Variants in NFIC observed in about 807,000 individuals in gnomAD.
The protein encoded by NFIC is nuclear factor I C, also known as nuclear factor 1 C-type.
NFIC carries 12 observed loss-of-function variants against 54.4 expected under a neutral mutation model. The observed-to-expected ratio is 0.22, with a 90% CI of 0.14 to 0.36. The LOEUF is 0.36. Ranked by LOEUF, NFIC falls within the 10% of genes least tolerant of loss-of-function variation. The pLI is 1.00. For missense variants in NFIC, 575 were observed against 718.2 expected (o/e 0.80, Z 2.28); for synonymous variants, 322 against 319.2 (o/e 1.01, Z -0.09).
chr19:3,374,030 A>T lies in NFIC; in HGVS notation c.30+7364A>T, dbSNP rs532496837. Among the ~76,000 whole-genome samples, 51 of 152,340 alleles carry T rather than the reference A, an allele frequency of 3.3e-4. 1 individual carries two copies. The highest frequency in any genetic ancestry group is 6.3e-4 in the Non-Finnish European group (43 of 68,032). ...CCGACCCGGAGAAGAAGGCATTAGA[A>T]CTAAGGCTTTGAAGGATGCGTAGGA... is the stretch of plus-strand genomic sequence containing the variant. On this transcript the variant is annotated intron_variant, in intron 1 of 10. Transcript: ENST00000443272.
At chr19:3,427,659 T>C (rs1467883592) in intron 3 of NFIC, among the ~76,000 whole-genome samples, 2 of 150,458 alleles carry the variant, frequency 1.3e-5, no homozygotes, top group African/African-American at 4.9e-5. Flanking sequence ...TGAAACCGTC[T>C]CTACTAAAAA....
In NFIC at chr19:3,453,687, C is replaced by CG; in HGVS notation, c.1270-71dup. 6.6e-7 allele frequency: 1 copy of CG among 1,511,800 alleles called. No homozygotes were observed. The highest frequency in any genetic ancestry group is 8.8e-7 in the Non-Finnish European group (1 of 1,135,214). 93.6% of individuals were successfully genotyped at this position (1,511,800 alleles called of 1,614,324 possible). On this transcript the variant is annotated intron_variant, in intron 8 of 10. Transcript: ENST00000443272. This position sits in a 1 kb window ranked among gnomAD's most constrained non-coding sequence, Gnocchi z 6.7. ...ACCCCGTCCGGGCCGTGCACAGAGC[C>CG]GGGGGCGGCCGGCGCCAGCAGCCCG...
intron 2 of NFIC, among the ~76,000 whole-genome samples, chr19:3,420,756 C>T (rs2081941711): frequency 1.3e-5 from 2 of 151,576 alleles, no homozygotes; most frequent in South Asian, 4.2e-4. Context: ...TGGAGTCACT[C>T]TGTCGCCCAG....
intron 2 of NFIC, among the ~76,000 whole-genome samples, chr19:3,416,050 C>T (rs559971424): frequency 6.6e-6 from 1 of 151,472 alleles, no homozygotes; most frequent in Non-Finnish European, 1.5e-5. Flanking sequence ...GTAGCCCCGG[C>T]TACTTGGGAA....
At chr19:3,397,297 A>C (rs2081480079) in intron 2 of NFIC, among the ~76,000 whole-genome samples, 1 of 152,212 alleles carries the variant, frequency 6.6e-6, no homozygotes, top group Non-Finnish European at 1.5e-5. Flanking sequence ...CAGGACCCAC[A>C]GTGGGCACCA....
upstream of NFIC, among the ~76,000 whole-genome samples, chr19:3,363,601 G>T (rs577100199): frequency 6.6e-6 from 1 of 152,062 alleles, no homozygotes; most frequent in African/African-American, 2.4e-5. Flanking sequence ...GTGGGTGTGT[G>T]TGCATGTGTG....
intron 3 of NFIC, among the ~76,000 whole-genome samples, chr19:3,428,347 G>A (rs928440496): frequency 6.6e-6 from 1 of 151,576 alleles, no homozygotes. Flanking sequence ...GACACGGGAG[G>A]CTGACGCAGG....
Position 3,468,889 on chromosome 19 carries a change from C to G in NFIC, c.*6120C>G, listed in dbSNP as rs1254917065. ...ACCCTCCCCTCCTCCTCCTACTTCT[C>G]CTCTTGACAGCGAGGACAGGAGGGG... On this transcript the variant is annotated 3_prime_UTR_variant, in exon 11 of 11. Transcript: ENST00000443272. 1 of 152,158 alleles carries G rather than the reference C, an allele frequency of 6.6e-6. No homozygotes were observed. The highest frequency in any genetic ancestry group is 6.5e-5 in the Admixed American group (1 of 15,278). 9.4% of individuals were successfully genotyped at this position (152,158 alleles called of 1,614,324 possible).
At position 3,380,628 on chromosome 19, in the gene NFIC, C is replaced by CTTTT. The variant is rs1159916071; in HGVS notation, c.31-1064_31-1061dup. 4.9e-4 allele frequency among the ~76,000 whole-genome samples: 47 copies of CTTTT among 96,112 alleles called. 1 individual carries two copies. The highest frequency in any genetic ancestry group is 6.2e-4 in the Non-Finnish European group (31 of 50,084). 63.1% of individuals were successfully genotyped at this position (96,112 alleles called of 152,430 possible). A position where few individuals can be genotyped will look rare whatever the true frequency, so the allele number is the denominator to read the frequency against. ...ACAGGTGTGAGCCACTGCGCCCAGG[C>CTTTT]TTTTTTTTTTTTTTTTTTTTTTTGT... On this transcript the variant is annotated intron_variant, in intron 1 of 10. Coordinates refer to ENST00000443272, the MANE Select transcript of NFIC (RefSeq NM_001245002.2).
In NFIC at chr19:3,448,998, C is replaced by T. The variant is rs758737315; in HGVS notation, c.959-16C>T. On this transcript the variant is annotated splice_polypyrimidine_tract_variant and intron_variant, in intron 6 of 10. Coordinates refer to ENST00000443272, the MANE Select transcript of NFIC (RefSeq NM_001245002.2). ...TGTGACCAGCCTGTGACTCTCTCGT[C>T]CCATCCCCTCCACAGGCATCTCGTC... 1 of 1,609,466 alleles carries T rather than the reference C, an allele frequency of 6.2e-7. No individual in the cohort carries two copies. The highest frequency in any genetic ancestry group is 1.1e-5 in the South Asian group (1 of 90,492).
intron 3 of NFIC, among the ~76,000 whole-genome samples, chr19:3,428,245 G>C (rs906871595): frequency 1.3e-5 from 2 of 151,780 alleles, no homozygotes; most frequent in African/African-American, 4.8e-5. Flanking sequence ...TGTAATCCCA[G>C]TACTTTGGGA....
At chr19:3,445,786 A>C (rs1483091379) in intron 6 of NFIC, among the ~76,000 whole-genome samples, 1 of 152,130 alleles carries the variant, frequency 6.6e-6, no homozygotes, top group Admixed American at 6.6e-5. Flanking sequence ...AGGATGGAGG[A>C]GGTGGGGACA....
At chr19:3,382,717 G>A (rs947893135) in intron 2 of NFIC, among the ~76,000 whole-genome samples, 1 of 151,790 alleles carries the variant, frequency 6.6e-6, no homozygotes, top group Non-Finnish European at 1.5e-5. Flanking sequence ...ACGGGGCAAG[G>A]AGGGTCTGAG....
chr19:3,435,228 G>A, intron 6 of NFIC, 21 bp downstream of exon 6: 1 of 1,553,240 alleles, frequency 6.4e-7, no homozygotes, highest in Non-Finnish European at 8.8e-7. Context: ...TGGCGGGGGC[G>A]GAGCCGGCCT....
chr19:3,449,805 C>G (rs1366831883), intron 7 of NFIC, among the ~76,000 whole-genome samples: 1 of 149,164 alleles, frequency 6.7e-6, no homozygotes, highest in Non-Finnish European at 1.5e-5. Flanking sequence ...GCCTGTAATT[C>G]TAGCACTTTG....
chr19:3,413,746 C>T (rs1176162595), intron 2 of NFIC, among the ~76,000 whole-genome samples: 1 of 152,082 alleles, frequency 6.6e-6, no homozygotes, highest in Non-Finnish European at 1.5e-5. Flanking sequence ...AAGCAATTCT[C>T]CCGTCTCAGC....
intron 2 of NFIC, among the ~76,000 whole-genome samples, chr19:3,404,596 CCCCCA>C (rs1430923486): frequency 6.6e-6 from 1 of 152,046 alleles, no homozygotes; most frequent in South Asian, 2.1e-4. Flanking sequence ...TGTCCCCCCA[CCCCCA>C]CCCCACCCAG....
chr19:3,451,446 A>G (rs2082460970), intron 7 of NFIC, among the ~76,000 whole-genome samples: 1 of 152,062 alleles, frequency 6.6e-6, no homozygotes, highest in Admixed American at 6.6e-5. Flanking sequence ...CAGCTTGGGC[A>G]ACATGATGAA....
rs1271615935 is a variant in NFIC at position 3,463,724 on chromosome 19, T to C, written c.*955T>C. The C allele has an allele frequency of 3.6e-5, 35 of 983,592 alleles. No individual in the cohort carries two copies. The South Asian group carries it at 1.2e-3, about 34-fold the overall frequency. The allele number at this position is 983,592 out of a possible 1,614,324, so 60.9% of individuals were successfully genotyped here. On this transcript the variant is annotated 3_prime_UTR_variant, in exon 11 of 11. Coordinates refer to ENST00000443272, the MANE Select transcript of NFIC (RefSeq NM_001245002.2). The stretch of plus-strand genomic sequence containing the variant: ...TGCACACACTGTAAGAAATGCACTT[T>C]CCGAGGAAGGGGATGGGGGAGCCCG...
Sources: gnomAD v4.1 joint callset for allele counts (sites outside exome capture counted in the v4.1 genomes callset) on GRCh38, gnomAD v4.1.1 for gene constraint, Gnocchi (gnomAD v3.1) non-coding constraint, MANE v1.5 for transcripts, NCBI Gene and HGNC (gene_info 2026-07-23, HGNC 2026-07-21) for gene names.